The following NOL4 variants were observed in gnomAD, a reference collection of about 807,000 sequenced individuals.
NOL4 encodes cancer/testis antigen 125.
Under a neutral mutation model 75.9 loss-of-function variants are expected in NOL4, and 17 were observed. That is an observed-to-expected ratio of 0.22 (90% CI 0.15 to 0.34). The LOEUF is 0.34. Among genes scored for constraint, NOL4 ranks in the 10% least tolerant of loss-of-function variants. The pLI is 1.00. For missense variants in NOL4, 614 were observed against 793.5 expected, an observed-to-expected ratio of 0.77 and a Z score of 2.72; for synonymous variants, 292 against 289.9, an observed-to-expected ratio of 1.01 and a Z score of -0.07.
intron 5 of NOL4, among the ~76,000 whole-genome samples, chr18:34,020,777 A>G (rs764771588): frequency 3.3e-5 from 5 of 152,164 alleles, no homozygotes; most frequent in Non-Finnish European, 7.4e-5. Flanking sequence ...ACACATAGAC[A>G]AAGATTACAT....
chr18:33,902,220 G>T (rs2065786588), intron 9 of NOL4, among the ~76,000 whole-genome samples: 1 of 151,852 alleles, frequency 6.6e-6, no homozygotes, highest in Admixed American at 6.6e-5. Context: ...TGTTAAATGA[G>T]GTTTTCTTAA....
intron 8 of NOL4, among the ~76,000 whole-genome samples, chr18:33,954,267 T>C (rs2069477906): frequency 6.6e-6 from 1 of 152,154 alleles, no homozygotes; most frequent in African/African-American, 2.4e-5. Context: ...ACGTGTTCAA[T>C]ACAGGCACAA....
chr18:33,870,220 T>C (rs2063629347), intron 10 of NOL4, among the ~76,000 whole-genome samples: 1 of 152,004 alleles, frequency 6.6e-6, no homozygotes, highest in South Asian at 2.1e-4. Context: ...AAGGGCATTA[T>C]ATGAAGTGAA....
At chr18:33,861,395 C>T (rs1456390315) in intron 10 of NOL4, among the ~76,000 whole-genome samples, 3 of 152,164 alleles carry the variant, frequency 2.0e-5, no homozygotes, top group Admixed American at 1.3e-4. Flanking sequence ...TTATCCATTT[C>T]TTCTGGATTT....
chr18:34,121,528 G>A (rs942754394), intron 2 of NOL4, among the ~76,000 whole-genome samples: 2 of 152,172 alleles, frequency 1.3e-5, no homozygotes, highest in African/African-American at 4.8e-5. Flanking sequence ...GCCATCTTAG[G>A]GAGACAGAGA....
intron 9 of NOL4, among the ~76,000 whole-genome samples, chr18:33,897,652 T>C (rs1004869652): frequency 6.6e-6 from 1 of 151,990 alleles, no homozygotes; most frequent in African/African-American, 2.4e-5. Context: ...AGATAACTAT[T>C]GGGTACTGGG....
At chr18:34,171,028 A>G (rs2032983354) in intron 1 of NOL4, among the ~76,000 whole-genome samples, 1 of 152,230 alleles carries the variant, frequency 6.6e-6, no homozygotes, top group Non-Finnish European at 1.5e-5. Flanking sequence ...CTTTGAGGGA[A>G]TAAATATTTG....
chr18:34,205,041 T>C (rs902820001), intron 1 of NOL4, among the ~76,000 whole-genome samples: 10 of 152,164 alleles, frequency 6.6e-5, no homozygotes, highest in African/African-American at 2.2e-4. Context: ...TGTTAAGGCA[T>C]TCCATCCTTA....
At chr18:33,895,760 C>G (rs1402279558) in intron 9 of NOL4, among the ~76,000 whole-genome samples, 1 of 152,070 alleles carries the variant, frequency 6.6e-6, no homozygotes, top group Non-Finnish European at 1.5e-5. Flanking sequence ...CAAGAATGGC[C>G]TCTGTTACCA....
At position 34,135,377 on chromosome 18, in the gene NOL4, A is replaced by T. The variant is rs144917316; in HGVS notation, c.265-5357T>A. Among the ~76,000 whole-genome samples, 464 of 152,258 alleles carry T rather than the reference A, an allele frequency of 3.0e-3. 6 individuals carry two copies. Among genetic ancestry groups the T allele is most frequent in the Admixed American group, 0.027 (418 of 15,290 alleles). ...GACAAAAAATTTATAGGCCTATCACAAGTATAAAGACAAAATTAGTAATTA... is the reference window on the plus strand; with the variant it reads ...GACAAAAAATTTATAGGCCTATCACTAGTATAAAGACAAAATTAGTAATTA... On this transcript the variant is annotated intron_variant, in intron 1 of 10. Transcript: ENST00000261592.
rs551625368 is a variant in NOL4 at position 34,125,430 on chromosome 18, A to T, written c.414+4441T>A. 1.6e-4 allele frequency among the ~76,000 whole-genome samples: 24 copies of T among 152,290 alleles called. No homozygotes were observed. The South Asian group carries it at 4.4e-3, about 28-fold the overall frequency. On this transcript the variant is annotated intron_variant, in intron 2 of 10. Transcript: ENST00000261592. Reference sequence around the variant, plus strand: ...CTTTAGTGCTACTTTTCCACACCATATGGCTGCAAATTTGGTTAATTAGTC... The same window carrying T: ...CTTTAGTGCTACTTTTCCACACCATTTGGCTGCAAATTTGGTTAATTAGTC...
chr18:34,118,105 T>C (rs2079948358), intron 2 of NOL4, among the ~76,000 whole-genome samples: 1 of 152,210 alleles, frequency 6.6e-6, no homozygotes, highest in Non-Finnish European at 1.5e-5. Context: ...ATAATTAATA[T>C]AATCACACAA....
chr18:34,058,656 T>C (rs552259175), intron 5 of NOL4, among the ~76,000 whole-genome samples: 1 of 152,158 alleles, frequency 6.6e-6, no homozygotes, highest in Non-Finnish European at 1.5e-5. Context: ...GCAATCTTCA[T>C]AACAAATCTG....
At chr18:34,170,430 G>A (rs890629157) in intron 1 of NOL4, among the ~76,000 whole-genome samples, 6 of 151,988 alleles carry the variant, frequency 3.9e-5, no homozygotes, top group African/African-American at 1.2e-4. Flanking sequence ...GACCTCAGGT[G>A]ATCCACCCAC....
chr18:34,216,343 C>A (rs1185598065), intron 1 of NOL4, among the ~76,000 whole-genome samples: 2 of 152,060 alleles, frequency 1.3e-5, no homozygotes, highest in African/African-American at 4.8e-5. Flanking sequence ...ACAGAATCTG[C>A]ATCTGGTTAG....
chr18:34,083,540 G>A (rs948744484), intron 5 of NOL4, among the ~76,000 whole-genome samples: 4 of 152,126 alleles, frequency 2.6e-5, no homozygotes, highest in Admixed American at 1.3e-4. Flanking sequence ...ACCCTAACAG[G>A]GTGAACACAC....
intron 6 of NOL4, among the ~76,000 whole-genome samples, chr18:33,987,969 T>C (rs538155804): frequency 1.1e-4 from 17 of 152,200 alleles, no homozygotes; most frequent in African/African-American, 4.1e-4. Flanking sequence ...ACTACTTTCC[T>C]AACCAAAGAA....
At chr18:34,134,483 C>CACACACACAT (rs1555734854) in intron 1 of NOL4, among the ~76,000 whole-genome samples, 3 of 147,560 alleles carry the variant, frequency 2.0e-5, no homozygotes, top group African/African-American at 7.6e-5. Context: ...CACACACACA[C>CACACACACAT]ACACACACAC....
At chr18:33,967,715 A>G (rs1212079238) in intron 6 of NOL4, among the ~76,000 whole-genome samples, 1 of 152,246 alleles carries the variant, frequency 6.6e-6, no homozygotes, top group Non-Finnish European at 1.5e-5. Context: ...AATCTTCATC[A>G]TAATTAATTA....
Sources: allele counts gnomAD v4.1 joint callset (sites outside exome capture counted in the v4.1 genomes callset), GRCh38; gene constraint gnomAD v4.1.1; transcripts MANE v1.5; gene names NCBI Gene and HGNC (gene_info 2026-07-23, HGNC 2026-07-21).